DAB1: variants seen among roughly 807,000 people sequenced by gnomAD.
DAB1 encodes DAB adaptor protein 1, also known as disabled homolog 1.
A neutral mutation model predicts 64.6 loss-of-function variants in DAB1; 15 were observed. The ratio of observed to expected loss-of-function variants is 0.23; its 90% CI spans 0.16 to 0.36. DAB1 has a LOEUF of 0.36. DAB1 is among the 10% of genes least tolerant of loss of function. The probability of loss-of-function intolerance (pLI) is 1.00; values close to 1 mark genes in which losing one functional copy is unlikely to be tolerated. For synonymous variants in DAB1, 235 were observed against 251.9 expected (o/e 0.93, Z 0.64); for missense variants, 596 against 706.7 (o/e 0.84, Z 1.78).
intron 1 of DAB1, among the ~76,000 whole-genome samples, chr1:57,352,900 AGC>A (rs1378595759): frequency 6.6e-6 from 1 of 152,062 alleles, no homozygotes; most frequent in Non-Finnish European, 1.5e-5. Context: ...CAAATAGACC[AGC>A]AGCCCCAAAC....
intron 3 of DAB1, among the ~76,000 whole-genome samples, chr1:58,401,360 G>A (rs1312517422): frequency 6.6e-6 from 1 of 152,120 alleles, no homozygotes; most frequent in Non-Finnish European, 1.5e-5. Flanking sequence ...CTCCCATAAG[G>A]GGGATAGGAG....
chr1:58,260,602 C>T lies in DAB1; in HGVS notation n.309+82750G>A, dbSNP rs1042344032. ...ACTCCAAGTCTGGCCACTCTCCAGCCGGCACACTCAGTCCAGCCAAACCAA... is the reference window on the plus strand; with the variant it reads ...ACTCCAAGTCTGGCCACTCTCCAGCTGGCACACTCAGTCCAGCCAAACCAA... On this transcript the variant is annotated intron_variant and non_coding_transcript_variant, in intron 4 of 20. Coordinates refer to the DAB1 transcript ENST00000485760. 4.6e-5 allele frequency among the ~76,000 whole-genome samples: 7 copies of T among 152,156 alleles called. No homozygotes were observed. The South Asian group carries it at 8.3e-4, about 18-fold the overall frequency.
intron 7 of DAB1, among the ~76,000 whole-genome samples, chr1:57,568,275 T>C (rs1645148131): frequency 6.6e-6 from 1 of 152,062 alleles, no homozygotes; most frequent in Non-Finnish European, 1.5e-5. Context: ...AAAAATTAAT[T>C]CAAGATGAAT....
At chr1:58,259,391 T>C (rs1661002136) in intron 4 of DAB1, among the ~76,000 whole-genome samples, 1 of 152,196 alleles carries the variant, frequency 6.6e-6, no homozygotes, top group African/African-American at 2.4e-5. Flanking sequence ...TCTTACCCAT[T>C]GTTCAGGGCT....
intron 7 of DAB1, among the ~76,000 whole-genome samples, chr1:57,512,349 A>G (rs1392689914): frequency 6.6e-6 from 1 of 152,198 alleles, no homozygotes; most frequent in Non-Finnish European, 1.5e-5. Flanking sequence ...TCTGTCACCC[A>G]CCAGTTTGTC....
intron 5 of DAB1, among the ~76,000 whole-genome samples, chr1:57,917,035 A>C (rs1644737125): frequency 6.6e-6 from 1 of 152,188 alleles, no homozygotes; most frequent in Admixed American, 6.5e-5. Context: ...GTGACTCCAC[A>C]GTTCCCATGT....
chr1:57,321,016 C>T (rs1244435802), intron 1 of DAB1, among the ~76,000 whole-genome samples: 2 of 152,080 alleles, frequency 1.3e-5, no homozygotes. Flanking sequence ...ATTAATACAG[C>T]TTAAAAAGTG....
In DAB1 at chr1:58,362,092, T is replaced by C. The variant is rs201347499; in HGVS notation, n.258-18689A>G. 1.7e-4 allele frequency among the ~76,000 whole-genome samples: 26 copies of C among 152,238 alleles called. No individual in the cohort carries two copies. The East Asian group carries it at 3.7e-3, about 21-fold the overall frequency. On this transcript the variant is annotated intron_variant and non_coding_transcript_variant, in intron 3 of 20. Transcript: ENST00000485760. ...GTTGGCCAGGCTGGTCGTGAACTCC[T>C]GACCTTTAGGATAATCATATTCCCA...
At chr1:57,994,709 G>A (rs117795843) in intron 5 of DAB1, among the ~76,000 whole-genome samples, 13 of 152,250 alleles carry the variant, frequency 8.5e-5, no homozygotes, top group East Asian at 3.9e-4. Flanking sequence ...CACTGGGGGC[G>A]GACAGGATGT....
intron 5 of DAB1, among the ~76,000 whole-genome samples, chr1:58,022,450 A>G (rs1646828272): frequency 6.6e-6 from 1 of 152,186 alleles, no homozygotes; most frequent in Non-Finnish European, 1.5e-5. Context: ...AGTAGACCTG[A>G]GTTTGAGTAC....
intron 4 of DAB1, among the ~76,000 whole-genome samples, chr1:58,335,355 T>A (rs1468533961): frequency 6.6e-6 from 1 of 152,156 alleles, no homozygotes; most frequent in Non-Finnish European, 1.5e-5. Context: ...TCAGGCAACT[T>A]ACAGGACTTC....
intron 5 of DAB1, among the ~76,000 whole-genome samples, chr1:57,992,272 G>A (rs12074501): frequency 0.02 from 3,016 of 152,208 alleles, 68 homozygotes; most frequent in African/African-American, 0.049. Flanking sequence ...GGGCTTCAAG[G>A]GTGCCAGAAA....
chr1:58,011,474 AGTAG>A (rs1480762092), intron 5 of DAB1, among the ~76,000 whole-genome samples: 1 of 152,174 alleles, frequency 6.6e-6, no homozygotes, highest in East Asian at 1.9e-4. Context: ...AGAGTGGTTG[AGTAG>A]TTTGTCTAAG....
intron 3 of DAB1, among the ~76,000 whole-genome samples, chr1:58,477,668 T>G (rs747817684): frequency 2.0e-5 from 3 of 152,136 alleles, no homozygotes; most frequent in Non-Finnish European, 4.4e-5. Flanking sequence ...CATGCAACCC[T>G]GGGAGCTACT....
At chr1:58,317,563 G>GC (rs1319383988) in intron 4 of DAB1, among the ~76,000 whole-genome samples, 2 of 152,214 alleles carry the variant, frequency 1.3e-5, no homozygotes. Context: ...GAACATTGGT[G>GC]CCCCCCTGGC....
At chr1:58,192,395 AT>A (rs1000304418) in intron 4 of DAB1, among the ~76,000 whole-genome samples, 2 of 152,136 alleles carry the variant, frequency 1.3e-5, no homozygotes, top group Non-Finnish European at 2.9e-5. Context: ...ACAATAGTTA[AT>A]TTTTCAACCC....
intron 6 of DAB1, among the ~76,000 whole-genome samples, chr1:57,805,831 A>G (rs1202752647): frequency 6.6e-6 from 1 of 152,138 alleles, no homozygotes; most frequent in Non-Finnish European, 1.5e-5. Flanking sequence ...TGATTCATCA[A>G]CTAATCCTTA....
chr1:58,066,922 A>T (rs773335380), intron 5 of DAB1, among the ~76,000 whole-genome samples: 3 of 151,882 alleles, frequency 2.0e-5, no homozygotes, highest in Non-Finnish European at 4.4e-5. Flanking sequence ...CACAGGCTAA[A>T]CTCATCTGGC....
intron 3 of DAB1, among the ~76,000 whole-genome samples, chr1:58,412,872 G>A (rs1418569693): frequency 7.9e-5 from 12 of 152,054 alleles, no homozygotes; most frequent in Admixed American, 7.9e-4. Context: ...TATAAAACAG[G>A]GATAATATTT....
Sources: allele counts gnomAD v4.1 joint callset (sites outside exome capture counted in the v4.1 genomes callset), GRCh38; gene constraint gnomAD v4.1.1; transcripts MANE v1.5; gene names NCBI Gene and HGNC (gene_info 2026-07-23, HGNC 2026-07-21).